Variants in SCAPER observed in about 807,000 individuals in gnomAD.
The protein encoded by SCAPER is S phase cyclin A-associated protein in the endoplasmic reticulum.
Under a neutral mutation model 182.2 loss-of-function variants are expected in SCAPER, and 98 were observed. The observed-to-expected ratio is 0.54, with a 90% CI of 0.46 to 0.64. The LOEUF (loss-of-function observed/expected upper bound fraction) is 0.64, where lower values mean the gene tolerates loss of function less well. SCAPER is among the 30% of genes least tolerant of loss of function. The pLI, the probability that SCAPER is intolerant of heterozygous loss-of-function variation, is 0.00. For missense variants in SCAPER, 1,432 were observed against 1,690.0 expected (o/e 0.85, Z 2.68); for synonymous variants, 605 against 564.6 (o/e 1.07, Z -1.01).
In SCAPER at chr15:76,771,908, C is replaced by G; in HGVS notation, c.1082G>C (p.Arg361Pro). The G allele has an allele frequency of 6.2e-7, 1 of 1,612,356 alleles. No individual in the cohort carries two copies. The highest frequency in any genetic ancestry group is 8.5e-7 in the Non-Finnish European group (1 of 1,179,304). The change falls in exon 10 of 32, where the codon CGA becomes CCA. Residue 361 changes from arginine to proline, a missense_variant. Around this residue, in one of 5 missense-constraint regions of SCAPER, gnomAD observed 480 missense variants for 510.2 expected, o/e 0.94. Transcript: ENST00000563290. ...TTCAGAAGTTCGAACATAATTGTCT[C>G]GAATACTGCCAGAATTCTTCACATC... ...LDDVKNSGSI[R>P]DNYVRTSEIS...
At chr15:76,695,750 G>A (rs1339805710) in intron 20 of SCAPER, among the ~76,000 whole-genome samples, 2 of 152,006 alleles carry the variant, frequency 1.3e-5, no homozygotes, top group African/African-American at 4.8e-5. Flanking sequence ...CCAAGTTACA[G>A]TGTGAAAACT....
At chr15:76,646,243 T>C (rs2054535992) in intron 21 of SCAPER, among the ~76,000 whole-genome samples, 1 of 152,118 alleles carries the variant, frequency 6.6e-6, no homozygotes, top group African/African-American at 2.4e-5. Flanking sequence ...AAGGGTTAAC[T>C]CTGAATGTAG....
intron 23 of SCAPER, among the ~76,000 whole-genome samples, chr15:76,539,117 G>A (rs1160710361): frequency 1.3e-5 from 2 of 151,582 alleles, no homozygotes; most frequent in Admixed American, 6.6e-5. Context: ...GTTTTTGAAA[G>A]ATTCAATAAT....
chr15:76,667,227 A>T (rs1274019436), intron 20 of SCAPER, among the ~76,000 whole-genome samples: 1 of 152,104 alleles, frequency 6.6e-6, no homozygotes, highest in East Asian at 1.9e-4. Context: ...TGTTTCTTGC[A>T]ACCTTAGTCC....
intron 1 of SCAPER, among the ~76,000 whole-genome samples, chr15:76,891,420 C>G (rs755068175): frequency 2.0e-5 from 3 of 152,078 alleles, no homozygotes; most frequent in Non-Finnish European, 4.4e-5. Context: ...TTTAGAAAAC[C>G]CCATCATCCA....
intron 26 of SCAPER, among the ~76,000 whole-genome samples, chr15:76,429,267 CAG>C (rs1419071783): frequency 1.3e-5 from 2 of 152,026 alleles, no homozygotes; most frequent in African/African-American, 2.4e-5. Flanking sequence ...AGTGTGAAAA[CAG>C]ACTAATACAG....
intron 23 of SCAPER, among the ~76,000 whole-genome samples, chr15:76,508,055 G>A (rs1339207625): frequency 6.6e-6 from 1 of 151,830 alleles, no homozygotes; most frequent in African/African-American, 2.4e-5. Flanking sequence ...GTATGCCTTG[G>A]TATCCCTTGT....
chr15:76,798,815 C>T (rs1399564002), intron 7 of SCAPER, among the ~76,000 whole-genome samples: 1 of 152,006 alleles, frequency 6.6e-6, no homozygotes, highest in Admixed American at 6.5e-5. Context: ...CCTTCAAAAA[C>T]TGAAAGATAA....
At chr15:76,758,448 A>G (rs1276716510) in intron 14 of SCAPER, among the ~76,000 whole-genome samples, 1 of 152,126 alleles carries the variant, frequency 6.6e-6, no homozygotes, top group East Asian at 1.9e-4. Flanking sequence ...GTCTGTGTGT[A>G]TGTTTGTATG....
intron 27 of SCAPER, among the ~76,000 whole-genome samples, chr15:76,382,250 G>C (rs2042991420): frequency 6.6e-6 from 1 of 152,160 alleles, no homozygotes; most frequent in Non-Finnish European, 1.5e-5. Context: ...TGTTACAGAA[G>C]AGCAAGAAGA....
chr15:76,678,263 G>A (rs1190751184), intron 20 of SCAPER, among the ~76,000 whole-genome samples: 3 of 151,754 alleles, frequency 2.0e-5, no homozygotes, highest in Non-Finnish European at 2.9e-5. Flanking sequence ...TTAAGACCAG[G>A]GTGGAAACCA....
chr15:76,455,744 G>T (rs1198152937), intron 25 of SCAPER, among the ~76,000 whole-genome samples: 2 of 152,070 alleles, frequency 1.3e-5, no homozygotes, highest in African/African-American at 4.8e-5. Context: ...TGCCGTGGTG[G>T]TTTGCTGCAC....
chr15:76,705,623 C>T (rs938036027), intron 18 of SCAPER, among the ~76,000 whole-genome samples: 1 of 149,424 alleles, frequency 6.7e-6, no homozygotes, highest in African/African-American at 2.5e-5. Context: ...CTTAACATGA[C>T]TGAACTGTGT....
At chr15:76,428,091 AAAAAC>A (rs1006057568) in intron 26 of SCAPER, among the ~76,000 whole-genome samples, 16 of 152,210 alleles carry the variant, frequency 1.1e-4, no homozygotes, top group East Asian at 5.8e-4. Context: ...CAGTGTCTCA[AAAAAC>A]AAAACAAAAC....
chr15:76,837,953 G>A (rs545636032), intron 5 of SCAPER, among the ~76,000 whole-genome samples: 1 of 152,274 alleles, frequency 6.6e-6, no homozygotes, highest in South Asian at 2.1e-4. Flanking sequence ...CTGCTGGTGG[G>A]AATGTAAATT....
rs150476618 is a variant in SCAPER at position 76,735,032 on chromosome 15, T to C, written c.1867-1648A>G. Among the ~76,000 whole-genome samples, 229 of 151,498 alleles carry C rather than the reference T, an allele frequency of 1.5e-3. 2 individuals are homozygous for C. Among genetic ancestry groups the C allele is most frequent in the African/African-American group, 5.0e-3 (207 of 41,238 alleles). ...AAAATAAAACTCACAAGGGAAAGAG[T>C]ATGCAAAAGTCAGATTAAACAACTC... On this transcript the variant is annotated intron_variant, in intron 15 of 31. Transcript: ENST00000563290.
At chr15:76,434,394 A>G (rs979837245) in intron 25 of SCAPER, 84 bp from the exon 26 acceptor site, 75 of 976,010 alleles carry the variant, frequency 7.7e-5, no homozygotes, top group Admixed American at 1.0e-4. Flanking sequence ...TTCTGGAATC[A>G]TAAGTAATTT....
chr15:76,852,314 G>C lies in SCAPER; in HGVS notation c.195+5495C>G, dbSNP rs139379102. On this transcript the variant is annotated intron_variant, in intron 4 of 31. Coordinates refer to ENST00000563290, the MANE Select transcript of SCAPER (RefSeq NM_020843.4). ...AAATTAACAAGGATATTCAGGGCCT[G>C]AACTCAACATTGTACCAAATGGATC... Among the ~76,000 whole-genome samples the C allele has an allele frequency of 8.1e-3, 1,231 of 152,260 alleles. 13 individuals carry two copies. Among genetic ancestry groups the C allele is most frequent in the African/African-American group, 0.028 (1,167 of 41,548 alleles).
At chr15:76,773,469 T>C (rs1005818195) in intron 9 of SCAPER, among the ~76,000 whole-genome samples, 3 of 151,954 alleles carry the variant, frequency 2.0e-5, no homozygotes, top group African/African-American at 7.2e-5. Context: ...TTAAGTATTA[T>C]AAAAAGTAGT....
Sources: gnomAD v4.1 joint callset for allele counts (sites outside exome capture counted in the v4.1 genomes callset) on GRCh38, gnomAD v4.1.1 for gene constraint, gnomAD v4.1.1 regional missense constraint, MANE v1.5 for transcripts, NCBI Gene and HGNC (gene_info 2026-07-23, HGNC 2026-07-21) for gene names.